The following CLSTN1 variants were observed in gnomAD, a reference collection of about 807,000 sequenced individuals.
CLSTN1 encodes the protein calsyntenin 1, also known as calsyntenin-1.
In CLSTN1, 28 loss-of-function variants were observed where a neutral mutation model predicts 108.3. That is an observed-to-expected ratio of 0.26 (90% CI 0.19 to 0.35). The LOEUF is 0.35. CLSTN1 is among the 10% of genes least tolerant of loss of function. The pLI, the probability that CLSTN1 is intolerant of heterozygous loss-of-function variation, is 1.00. For missense variants in CLSTN1, 1,157 were observed against 1,302.6 expected (o/e 0.89, Z 1.72); for synonymous variants, 524 against 534.9 (o/e 0.98, Z 0.28).
intron 1 of CLSTN1, among the ~76,000 whole-genome samples, chr1:9,804,776 G>A (rs1031218911): frequency 1.3e-5 from 2 of 152,172 alleles, no homozygotes; most frequent in African/African-American, 4.8e-5. Flanking sequence ...AGGCTGCAGT[G>A]AGCCGAGTTT....
intron 5 of CLSTN1, 85 bp downstream of exon 5, chr1:9,751,388 A>G: frequency 7.6e-7 from 1 of 1,318,520 alleles, no homozygotes; most frequent in Non-Finnish European, 1.1e-6. Flanking sequence ...TGAAGTTCTG[A>G]CGAAGCACAG....
chr1:9,736,630 C>T (rs1650704353), intron 11 of CLSTN1, among the ~76,000 whole-genome samples: 1 of 152,160 alleles, frequency 6.6e-6, no homozygotes, highest in South Asian at 2.1e-4. Flanking sequence ...GAAAATGGCC[C>T]TTGACAGATG....
intron 10 of CLSTN1, 148 bp downstream of exon 10, chr1:9,740,946 C>T (rs1460908212): frequency 2.3e-6 from 2 of 855,404 alleles, no homozygotes; most frequent in Admixed American, 2.7e-5. Flanking sequence ...GGCAGTGTCC[C>T]CAAAAAGGCT....
intron 2 of CLSTN1, among the ~76,000 whole-genome samples, chr1:9,771,309 G>A (rs1350591555): frequency 3.3e-5 from 5 of 151,984 alleles, no homozygotes; most frequent in African/African-American, 1.2e-4. Flanking sequence ...GTGAAACCTC[G>A]TCTCTACTAA....
chr1:9,796,663 G>A (rs1031411373), intron 1 of CLSTN1, among the ~76,000 whole-genome samples: 5 of 151,938 alleles, frequency 3.3e-5, no homozygotes, highest in African/African-American at 9.7e-5. Context: ...CAGCCTGGGC[G>A]ACAGAGCGAG....
intron 4 of CLSTN1, 127 bp from the exon 5 acceptor site, chr1:9,751,808 T>C: frequency 1.4e-6 from 1 of 725,022 alleles, no homozygotes; most frequent in Non-Finnish European, 2.3e-6. Flanking sequence ...ATACCTTGTT[T>C]CATGAAATTC....
intron 2 of CLSTN1, among the ~76,000 whole-genome samples, chr1:9,759,247 C>T (rs767527287): frequency 2.6e-5 from 4 of 152,182 alleles, no homozygotes; most frequent in Non-Finnish European, 5.9e-5. Flanking sequence ...GAGAAAATTA[C>T]ATGAATTTCA....
chr1:9,733,619 C>T, intron 15 of CLSTN1, 73 bp from the exon 16 acceptor site: 4 of 1,575,538 alleles, frequency 2.5e-6, no homozygotes, highest in Non-Finnish European at 3.5e-6. Context: ...CAGCCGTCAG[C>T]ACAGGCAGGC....
intron 1 of CLSTN1, among the ~76,000 whole-genome samples, chr1:9,776,862 T>TTATCTATCTATCTATCTATC (rs70998308): frequency 8.6e-5 from 12 of 140,122 alleles, no homozygotes; most frequent in East Asian, 2.0e-4. Context: ...CTATCAGCAT[T>TTATCTATCTATCTATCTATC]TATCTATCTA....
In CLSTN1 at chr1:9,781,060, G is replaced by T. The variant is rs17034324; in HGVS notation, c.92-7666C>A. On this transcript the variant is annotated intron_variant, in intron 1 of 18. Coordinates refer to ENST00000377298, the MANE Select transcript of CLSTN1 (RefSeq NM_001009566.3). Reference sequence around the variant, plus strand: ...TTTTGGGATTAAGAGTATCCAACCTGTACTAATCACACATTCTGCTTGAGA... The same window carrying T: ...TTTTGGGATTAAGAGTATCCAACCTTTACTAATCACACATTCTGCTTGAGA... 1,508 of 639,132 alleles carry T rather than the reference G, an allele frequency of 2.4e-3. 14 individuals carry two copies. The African/African-American group carries it at 0.024, about 10-fold the overall frequency. 39.6% of individuals were successfully genotyped at this position (639,132 alleles called of 1,614,324 possible).
At position 9,735,613 on chromosome 1, in the gene CLSTN1, G is replaced by A. The variant is rs1351023010; in HGVS notation, c.1737C>T (p.Ile579=). ...ATACCAACTGGCTGGGGTGTGCTTG[G>A]ATCTGAAATCACACCAGCCACAGAG... ...VLEDSGRGVQ[I]QAHPSQLVLT... Residue 579 remains isoleucine, a splice_region_variant and synonymous_variant, in exon 13 of 19, where the codon ATC becomes ATT. Coordinates refer to ENST00000377298, the MANE Select transcript of CLSTN1 (RefSeq NM_001009566.3). The A allele has an allele frequency of 1.2e-6, 2 of 1,613,888 alleles. No homozygotes were observed. The highest frequency in any genetic ancestry group is 1.7e-6 in the Non-Finnish European group (2 of 1,180,008).
At chr1:9,739,919 C>A (rs1047436851) in intron 10 of CLSTN1, among the ~76,000 whole-genome samples, 11 of 151,632 alleles carry the variant, frequency 7.3e-5, no homozygotes, top group Non-Finnish European at 1.3e-4. Flanking sequence ...TGGGTTCACG[C>A]CATTCTCCTG....
In CLSTN1 at chr1:9,729,605, A is replaced by AAAT. The variant is rs1650225806; in HGVS notation, c.*900_*902dup. ...TCAGTTTCTCCTTTTACCAGCAGGA[A>AAAT]AATGTACATTTAAGCATAAACCACA... On this transcript the variant is annotated 3_prime_UTR_variant, in exon 19 of 19. Transcript: ENST00000377298. The AAAT allele has an allele frequency of 6.6e-6, 1 of 152,544 alleles. No homozygotes were observed. Among genetic ancestry groups the AAAT allele is most frequent in the African/African-American group, 2.4e-5 (1 of 41,478 alleles). 9.4% of individuals were successfully genotyped at this position (152,544 alleles called of 1,614,324 possible). A position where few individuals can be genotyped will look rare whatever the true frequency, so the allele number is the denominator to read the frequency against.
chr1:9,733,301 T>C (rs1277600364), intron 16 of CLSTN1, 100 bp downstream of exon 16: 46 of 1,445,386 alleles, frequency 3.2e-5, no homozygotes, highest in African/African-American at 5.6e-5. Context: ...GCTGCCATCA[T>C]GAATGCTCTG....
intron 4 of CLSTN1, among the ~76,000 whole-genome samples, chr1:9,752,888 T>TAAAA (rs1651623170): frequency 1.3e-5 from 2 of 151,776 alleles, no homozygotes; most frequent in South Asian, 4.2e-4. Context: ...AATAAATAAA[T>TAAAA]AAAACAAAAG....
intron 7 of CLSTN1, among the ~76,000 whole-genome samples, chr1:9,746,589 C>T (rs1464558463): frequency 1.3e-5 from 2 of 152,182 alleles, no homozygotes; most frequent in African/African-American, 4.8e-5. Context: ...TGGCAGATGC[C>T]TGTAATCTCA....
intron 1 of CLSTN1, among the ~76,000 whole-genome samples, chr1:9,802,756 A>C (rs1029515076): frequency 6.6e-5 from 10 of 152,104 alleles, no homozygotes; most frequent in African/African-American, 9.7e-5. Flanking sequence ...GCCTGGGCTA[A>C]ATGATTTCTC....
chr1:9,821,076 T>G (rs891011610), intron 1 of CLSTN1, among the ~76,000 whole-genome samples: 10 of 152,240 alleles, frequency 6.6e-5, no homozygotes, highest in African/African-American at 1.9e-4. Flanking sequence ...AGAAGGCAGG[T>G]AGCTGAAGGA....
Position 9,731,389 on chromosome 1 carries a change from G to T in CLSTN1, c.2565C>A (p.Val855=), listed in dbSNP as rs548045526. 1 of 1,612,940 alleles carries T rather than the reference G, an allele frequency of 6.2e-7. No homozygotes were observed. Among genetic ancestry groups the T allele is most frequent in the South Asian group, 1.1e-5 (1 of 91,058 alleles). Reference sequence around the variant, plus strand: ...TCACAACTGTCGCAGTGCTGGGGACGACTGTGGGAGAATGAGGGGGCGGGA... The same window carrying T: ...TCACAACTGTCGCAGTGCTGGGGACTACTGTGGGAGAATGAGGGGGCGGGA... ...HNLANPHPFA[V]VPSTATVVIV... Residue 855 remains valine, a splice_region_variant and synonymous_variant, in exon 18 of 19, where the codon GTC becomes GTA. Transcript: ENST00000377298.
Sources: gnomAD v4.1 joint callset for allele counts (sites outside exome capture counted in the v4.1 genomes callset) on GRCh38, gnomAD v4.1.1 for gene constraint, MANE v1.5 for transcripts, NCBI Gene and HGNC (gene_info 2026-07-23, HGNC 2026-07-21) for gene names.